The following FGGY variants were observed in gnomAD, a reference collection of about 807,000 sequenced individuals.
The protein encoded by FGGY is FGGY carbohydrate kinase domain containing.
In FGGY, 72 loss-of-function variants were observed where a neutral mutation model predicts 71.3. The observed-to-expected ratio is 1.01, with a 90% CI of 0.84 to 1.23. The LOEUF (loss-of-function observed/expected upper bound fraction) is 1.23. Among genes scored for constraint, FGGY ranks in the 50% most tolerant of loss-of-function variants. The probability of loss-of-function intolerance (pLI) is 0.00; values close to 1 mark genes in which losing one functional copy is unlikely to be tolerated. For synonymous variants in FGGY, 251 were observed against 250.3 expected, an observed-to-expected ratio of 1.00 and a Z score of -0.02; for missense variants, 668 against 682.3, an observed-to-expected ratio of 0.98 and a Z score of 0.23.
chr1:59,527,609 T>G (rs2095027765), intron 7 of FGGY, among the ~76,000 whole-genome samples: 1 of 152,246 alleles, frequency 6.6e-6, no homozygotes, highest in African/African-American at 2.4e-5. Context: ...CTGCTGAATG[T>G]TCTTCCAGAG....
intron 8 of FGGY, among the ~76,000 whole-genome samples, chr1:59,584,955 C>T (rs892979293): frequency 1.1e-4 from 15 of 136,988 alleles, no homozygotes; most frequent in African/African-American, 4.5e-4. Flanking sequence ...AGGAATCCAA[C>T]TTACAAGGGA....
At chr1:59,653,929 G>T (rs2097194558) in intron 11 of FGGY, among the ~76,000 whole-genome samples, 1 of 152,124 alleles carries the variant, frequency 6.6e-6, no homozygotes, top group African/African-American at 2.4e-5. Context: ...GCTTTTAAGA[G>T]CTCCTGTGAT....
intron 8 of FGGY, among the ~76,000 whole-genome samples, chr1:59,606,965 A>G (rs1248221814): frequency 6.6e-6 from 1 of 152,216 alleles, no homozygotes; most frequent in Non-Finnish European, 1.5e-5. Context: ...TGTCCCCAGC[A>G]CCCAATAGGG....
intron 14 of FGGY, among the ~76,000 whole-genome samples, chr1:59,684,731 T>C (rs1040964365): frequency 5.9e-5 from 9 of 152,254 alleles, no homozygotes; most frequent in Non-Finnish European, 1.3e-4. Context: ...AGTAGCCCTC[T>C]AAGTCACCTT....
chr1:59,412,234 G>C (rs990936078), intron 5 of FGGY, among the ~76,000 whole-genome samples: 1 of 152,132 alleles, frequency 6.6e-6, no homozygotes, highest in African/African-American at 2.4e-5. Flanking sequence ...GTTCCATGGG[G>C]TTTCCTTGTG....
intron 14 of FGGY, among the ~76,000 whole-genome samples, chr1:59,687,393 T>C (rs1195708436): frequency 6.6e-6 from 1 of 152,290 alleles, no homozygotes; most frequent in Non-Finnish European, 1.5e-5. Flanking sequence ...GTAGCATCTG[T>C]CTGCTGTCGG....
intron 11 of FGGY, among the ~76,000 whole-genome samples, chr1:59,658,262 A>G (rs1292342154): frequency 2.0e-5 from 3 of 152,116 alleles, no homozygotes; most frequent in African/African-American, 7.2e-5. Context: ...AGCATTGTTC[A>G]TGTTCTCTCT....
intron 3 of FGGY, among the ~76,000 whole-genome samples, chr1:59,343,446 C>A (rs897230236): frequency 6.6e-6 from 1 of 152,198 alleles, no homozygotes; most frequent in African/African-American, 2.4e-5. Context: ...TAAACACTTT[C>A]CTGCCTTTTG....
chr1:59,527,108 G>T (rs534255298), intron 7 of FGGY, among the ~76,000 whole-genome samples: 1 of 152,138 alleles, frequency 6.6e-6, no homozygotes, highest in South Asian at 2.1e-4. Flanking sequence ...AAAATATCTG[G>T]AATATTCTTC....
At chr1:59,540,852 A>G (rs1326715801) in intron 7 of FGGY, among the ~76,000 whole-genome samples, 2 of 152,132 alleles carry the variant, frequency 1.3e-5, no homozygotes, top group Non-Finnish European at 2.9e-5. Flanking sequence ...GTGTCACTTT[A>G]TATGTCAGCA....
At chr1:59,732,656 G>C (rs186046804) in intron 14 of FGGY, among the ~76,000 whole-genome samples, 5 of 152,092 alleles carry the variant, frequency 3.3e-5, no homozygotes, top group African/African-American at 7.2e-5. Flanking sequence ...TAGAGGAAAG[G>C]GGGGCAAGAA....
intron 1 of FGGY, among the ~76,000 whole-genome samples, chr1:59,300,055 T>C (rs1273227445): frequency 1.3e-5 from 2 of 152,224 alleles, no homozygotes; most frequent in Non-Finnish European, 2.9e-5. Flanking sequence ...AATTACTGAC[T>C]GAATGTAGGG....
intron 7 of FGGY, among the ~76,000 whole-genome samples, chr1:59,515,578 A>C (rs2094623078): frequency 6.6e-6 from 1 of 152,172 alleles, no homozygotes; most frequent in African/African-American, 2.4e-5. Context: ...TATCTCCCAG[A>C]ATTCCCACAT....
At chr1:59,645,956 CA>C (rs2097090369) in intron 11 of FGGY, among the ~76,000 whole-genome samples, 2 of 152,238 alleles carry the variant, frequency 1.3e-5, no homozygotes, top group African/African-American at 4.8e-5. Flanking sequence ...GCTGCTCCAA[CA>C]ACTCTTCAAA....
chr1:59,511,335 A>G (rs1460512839), intron 6 of FGGY, among the ~76,000 whole-genome samples: 1 of 152,082 alleles, frequency 6.6e-6, no homozygotes, highest in East Asian at 1.9e-4. Context: ...TTAGCACTCA[A>G]AAATTGCTGA....
chr1:59,309,862 C>T (rs1488403366), intron 1 of FGGY, among the ~76,000 whole-genome samples: 1 of 151,930 alleles, frequency 6.6e-6, no homozygotes, highest in Non-Finnish European at 1.5e-5. Context: ...TGCCTCTAAT[C>T]CCAGCTACTT....
At chr1:59,647,386 C>T (rs1354694847) in intron 11 of FGGY, among the ~76,000 whole-genome samples, 6 of 152,128 alleles carry the variant, frequency 3.9e-5, no homozygotes, top group Non-Finnish European at 8.8e-5. Flanking sequence ...GTAGAATTCA[C>T]CAATAGAGTA....
intron 14 of FGGY, among the ~76,000 whole-genome samples, chr1:59,692,850 G>A (rs987999583): frequency 5.3e-5 from 8 of 152,198 alleles, no homozygotes; most frequent in South Asian, 2.1e-4. Context: ...CCTCTCCCGC[G>A]GCTAGACTAA....
intron 10 of FGGY, among the ~76,000 whole-genome samples, chr1:59,629,150 G>A (rs1047455004): frequency 6.6e-6 from 1 of 151,882 alleles, no homozygotes; most frequent in African/African-American, 2.4e-5. Context: ...AACCAACATG[G>A]CACATGTATA....
Sources: gnomAD v4.1 joint callset for allele counts (sites outside exome capture counted in the v4.1 genomes callset) on GRCh38, gnomAD v4.1.1 for gene constraint, MANE v1.5 for transcripts, NCBI Gene and HGNC (gene_info 2026-07-23, HGNC 2026-07-21) for gene names.